DPEP1: variants seen among roughly 807,000 people sequenced by gnomAD.
The protein encoded by DPEP1 is beta-lactamase.
A neutral mutation model predicts 42.3 loss-of-function variants in DPEP1; 50 were observed. The observed-to-expected ratio is 1.18, with a 90% CI of 0.94 to 1.50. DPEP1 has a LOEUF of 1.50. Ranked by LOEUF, DPEP1 falls within the 40% of genes most tolerant of loss-of-function variation. DPEP1 has a pLI of 0.00. For synonymous variants in DPEP1, 297 were observed against 234.0 expected (o/e 1.27, Z -2.46); for missense variants, 663 against 553.0 (o/e 1.20, Z -1.99).
chr16:89,630,544 G>T (rs887334919), intron 2 of DPEP1, 30 bp downstream of exon 2: 6 of 1,458,274 alleles, frequency 4.1e-6, no homozygotes, highest in Non-Finnish European at 4.6e-6. Flanking sequence ...AGGTGCTTAG[G>T]GAACCAGGAC....
downstream of DPEP1, among the ~76,000 whole-genome samples, chr16:89,641,133 C>T (rs935332205): frequency 5.9e-5 from 9 of 152,188 alleles, no homozygotes; most frequent in South Asian, 1.0e-3. Flanking sequence ...CAGAGCCAGG[C>T]GTACTGGGTG....
chr16:89,629,660 G>C (rs1489488217), intron 1 of DPEP1, among the ~76,000 whole-genome samples: 2 of 152,214 alleles, frequency 1.3e-5, no homozygotes, highest in African/African-American at 2.4e-5. Context: ...CCTGGGAACT[G>C]TGTGCCCAGG....
At chr16:89,633,035 T>C (rs1328705225) in intron 2 of DPEP1, among the ~76,000 whole-genome samples, 2 of 152,110 alleles carry the variant, frequency 1.3e-5, no homozygotes, top group East Asian at 1.9e-4. Context: ...TAGGAATCCC[T>C]ACCCATCCCA....
At chr16:89,621,068 G>A (rs1421411318) in intron 1 of DPEP1, among the ~76,000 whole-genome samples, 7 of 152,064 alleles carry the variant, frequency 4.6e-5, no homozygotes, top group Non-Finnish European at 7.4e-5. Context: ...TGGAACCGGC[G>A]GGGGCCTCAG....
At chr16:89,621,549 G>C (rs58307147) in intron 1 of DPEP1, among the ~76,000 whole-genome samples, 4 of 152,162 alleles carry the variant, frequency 2.6e-5, no homozygotes, top group Admixed American at 2.6e-4. Context: ...CGGGCTCCCC[G>C]TGGAGCTGCA....
intron 2 of DPEP1, among the ~76,000 whole-genome samples, chr16:89,632,536 G>A (rs1375979594): frequency 1.3e-5 from 2 of 152,306 alleles, no homozygotes; most frequent in African/African-American, 4.8e-5. Flanking sequence ...GTCTCCCCAC[G>A]AACAGCTGCC....
At chr16:89,625,843 G>C (rs2059504539) in intron 1 of DPEP1, among the ~76,000 whole-genome samples, 1 of 152,200 alleles carries the variant, frequency 6.6e-6, no homozygotes, top group Admixed American at 6.5e-5. Flanking sequence ...CAGACGAAGA[G>C]ACTGAGGCCG....
chr16:89,627,761 A>C (rs9673694), intron 1 of DPEP1, among the ~76,000 whole-genome samples: 56,315 of 136,642 alleles, frequency 0.41, 12,206 homozygotes, highest in East Asian at 0.69. Context: ...CCCTGGTTCA[A>C]GTGATTCTCC....
chr16:89,620,565 G>A (rs1385862685), intron 1 of DPEP1: 1 of 152,282 alleles, frequency 6.6e-6, no homozygotes, highest in Non-Finnish European at 1.5e-5. Flanking sequence ...CAGCTGACAT[G>A]TGTGAGGCTT....
chr16:89,633,961 T>C (rs2059624476), intron 2 of DPEP1, among the ~76,000 whole-genome samples: 4 of 152,108 alleles, frequency 2.6e-5, no homozygotes, highest in Admixed American at 2.6e-4. Flanking sequence ...TTCCCCAGGG[T>C]CGGGGGTCAG....
chr16:89,632,615 C>A (rs1186926519), intron 2 of DPEP1, among the ~76,000 whole-genome samples: 1 of 152,170 alleles, frequency 6.6e-6, no homozygotes, highest in Non-Finnish European at 1.5e-5. Flanking sequence ...GCTTCCATAT[C>A]CCAGCTAAGG....
At chr16:89,635,469 C>A (rs919930775) in intron 2 of DPEP1, among the ~76,000 whole-genome samples, 6 of 152,126 alleles carry the variant, frequency 3.9e-5, no homozygotes, top group Non-Finnish European at 7.3e-5. Context: ...AATTACCCAG[C>A]CACCCACCAT....
At chr16:89,614,064 C>A (rs942752987) in intron 1 of DPEP1, among the ~76,000 whole-genome samples, 5 of 149,576 alleles carry the variant, frequency 3.3e-5, no homozygotes, top group Non-Finnish European at 4.5e-5. Context: ...GCAGGGGACG[C>A]GGCTGCTTCC....
intron 1 of DPEP1, among the ~76,000 whole-genome samples, chr16:89,622,058 A>G (rs1051109272): frequency 1.3e-5 from 2 of 152,168 alleles, no homozygotes; most frequent in Non-Finnish European, 2.9e-5. Flanking sequence ...GAGCCGAGTC[A>G]GCACCACCCT....
chr16:89,635,241 C>T (rs541954242), intron 2 of DPEP1, among the ~76,000 whole-genome samples: 1 of 150,004 alleles, frequency 6.7e-6, no homozygotes, highest in African/African-American at 2.5e-5. Flanking sequence ...CATTTTTCCT[C>T]ACGAGAGCTC....
At chr16:89,637,170 G>A (rs761465406) in intron 6 of DPEP1, 34 bp from the exon 7 acceptor site, 6 of 1,602,494 alleles carry the variant, frequency 3.7e-6, no homozygotes, top group Non-Finnish European at 5.1e-6. Flanking sequence ...CGACCCTGGG[G>A]GCTGTGAGGG....
chr16:89,625,921 C>G (rs1384055779), intron 1 of DPEP1, among the ~76,000 whole-genome samples: 1 of 152,170 alleles, frequency 6.6e-6, no homozygotes, highest in Non-Finnish European at 1.5e-5. Context: ...CACAGCCTAC[C>G]AGGACACGGG....
At chr16:89,640,710 G>C, downstream of DPEP1, 1 of 865,940 alleles carries the variant, frequency 1.2e-6, no homozygotes, top group Non-Finnish European at 1.4e-6. Context: ...GGGCTGCAAG[G>C]GTATTAGGCC....
chr16:89,627,062 C>A (rs1026595029), intron 1 of DPEP1, among the ~76,000 whole-genome samples: 1 of 146,442 alleles, frequency 6.8e-6, no homozygotes, highest in East Asian at 2.1e-4. Flanking sequence ...GAGATCGAGA[C>A]CATCCTGGCT....
Sources: gnomAD v4.1 joint callset for allele counts (sites outside exome capture counted in the v4.1 genomes callset) on GRCh38, gnomAD v4.1.1 for gene constraint, MANE v1.5 for transcripts, NCBI Gene and HGNC (gene_info 2026-07-23, HGNC 2026-07-21) for gene names.